The following ATG2B variants were observed in gnomAD, a reference collection of about 807,000 sequenced individuals.
The protein encoded by ATG2B is autophagy-related protein 2 homolog B.
In ATG2B, 121 loss-of-function variants were observed where a neutral mutation model predicts 241.3. That is an observed-to-expected ratio of 0.50 (90% CI 0.43 to 0.58). The LOEUF (loss-of-function observed/expected upper bound fraction) is 0.58. Among genes scored for constraint, ATG2B ranks in the 20% least tolerant of loss-of-function variants. The pLI, the probability that ATG2B is intolerant of heterozygous loss-of-function variation, is 0.00. For missense variants in ATG2B, 2,306 were observed against 2,491.6 expected, an observed-to-expected ratio of 0.93 and a Z score of 1.59; for synonymous variants, 858 against 876.6, an observed-to-expected ratio of 0.98 and a Z score of 0.37.
At position 96,347,160 on chromosome 14, in the gene ATG2B, A is replaced by G. The variant is rs749425763; in HGVS notation, c.325+19T>C. Reference sequence around the variant, plus strand: ...TGAAGAATAAAAACACATAAAACAGAAACATACAACACACCAACCTGGGCG... The same window carrying G: ...TGAAGAATAAAAACACATAAAACAGGAACATACAACACACCAACCTGGGCG... On this transcript the variant is annotated intron_variant, in intron 2 of 41. Coordinates refer to ENST00000359933, the MANE Select transcript of ATG2B (RefSeq NM_018036.7). 2.3e-5 allele frequency: 35 copies of G among 1,536,446 alleles called. No individual in the cohort carries two copies. The highest frequency in any genetic ancestry group is 7.1e-6 in the Non-Finnish European group (8 of 1,127,518).
chr14:96,339,126 A>C (rs1887941264), intron 6 of ATG2B, among the ~76,000 whole-genome samples: 1 of 152,158 alleles, frequency 6.6e-6, no homozygotes, highest in Non-Finnish European at 1.5e-5. Context: ...GTCAAAAAAC[A>C]ATAGATGTTG....
intron 5 of ATG2B, among the ~76,000 whole-genome samples, chr14:96,342,678 C>T (rs1448397683): frequency 6.7e-6 from 1 of 148,520 alleles, no homozygotes; most frequent in Non-Finnish European, 1.5e-5. Context: ...GTCGAGATTG[C>T]GCCACTGCAC....
At chr14:96,287,253 C>CAAA (rs34710412) in intron 41 of ATG2B, among the ~76,000 whole-genome samples, 26,188 of 77,642 alleles carry the variant, frequency 0.34, 5,423 homozygotes, top group Non-Finnish European at 0.4. Context: ...GACTCCGTCT[C>CAAA]AAAAAAAAAA....
Position 96,317,126 on chromosome 14 carries a change from T to C in ATG2B, c.3210+19A>G, listed in dbSNP as rs1248779146. The C allele has an allele frequency of 3.2e-6, 5 of 1,584,932 alleles. No homozygotes were observed. Among genetic ancestry groups the C allele is most frequent in the Non-Finnish European group, 4.3e-6 (5 of 1,164,106 alleles). On this transcript the variant is annotated intron_variant, in intron 20 of 41. Coordinates refer to ENST00000359933, the MANE Select transcript of ATG2B (RefSeq NM_018036.7). ...AGTAAGATACATTTGAAAAAACACTTCGGATTTGTAAACCTCACCTTCACA... is the reference window on the plus strand; with the variant it reads ...AGTAAGATACATTTGAAAAAACACTCCGGATTTGTAAACCTCACCTTCACA...
chr14:96,358,064 G>C (rs1259391503), intron 1 of ATG2B, among the ~76,000 whole-genome samples: 1 of 150,536 alleles, frequency 6.6e-6, no homozygotes, highest in Non-Finnish European at 1.5e-5. Context: ...CCAAGTTTTC[G>C]TCCCAATTTT....
chr14:96,342,094 A>C (rs1888051733), intron 5 of ATG2B, among the ~76,000 whole-genome samples: 1 of 152,208 alleles, frequency 6.6e-6, no homozygotes, highest in African/African-American at 2.4e-5. Flanking sequence ...CTTAATTATA[A>C]AGCTTTTTAA....
At chr14:96,334,532 G>T (rs759363376) in intron 6 of ATG2B, 31 bp from the exon 7 acceptor site, 7 of 1,329,088 alleles carry the variant, frequency 5.3e-6, no homozygotes, top group East Asian at 4.6e-5. Flanking sequence ...TATTCATGAG[G>T]AGTATTCTTT....
chr14:96,313,512 A>G, intron 23 of ATG2B, 77 bp from the exon 24 acceptor site: 1 of 600,944 alleles, frequency 1.7e-6, no homozygotes, highest in Non-Finnish European at 2.8e-6. Context: ...ATACCAATGT[A>G]AACCAGAATA....
intron 1 of ATG2B, 83 bp downstream of exon 1, chr14:96,362,732 G>A: frequency 2.9e-6 from 4 of 1,389,392 alleles, no homozygotes; most frequent in Non-Finnish European, 3.9e-6. Flanking sequence ...GGGACTGACT[G>A]TCACCAATCT....
intron 18 of ATG2B, among the ~76,000 whole-genome samples, chr14:96,319,627 C>T (rs1887408421): frequency 6.6e-6 from 1 of 151,928 alleles, no homozygotes; most frequent in Admixed American, 6.6e-5. Flanking sequence ...TTAAGTAAAA[C>T]TTGAATGGGG....
At position 96,289,719 on chromosome 14, in the gene ATG2B, C is replaced by A. The variant is rs1314770520; in HGVS notation, c.5943G>T (p.Arg1981=). The part of the protein sequence containing the change: ...PKKTKRFPHH[R]LAHQPVDLRE... ...TCAGGTCTACTGGCTGGTGGGCTAACCGGTGATGAGGAAACCTTTTGGTCT... is the reference window on the plus strand; with the variant it reads ...TCAGGTCTACTGGCTGGTGGGCTAAACGGTGATGAGGAAACCTTTTGGTCT... Residue 1981 remains arginine (R), a synonymous_variant, in exon 41 of 42, where the codon CGG becomes CGT. Transcript: ENST00000359933. This position sits in a 1 kb window ranked among gnomAD's most constrained non-coding sequence, Gnocchi z 4.3. 1 of 1,614,202 alleles carries A rather than the reference C, an allele frequency of 6.2e-7. No homozygotes were observed. Among genetic ancestry groups the A allele is most frequent in the African/African-American group, 1.3e-5 (1 of 75,036 alleles).
At chr14:96,337,959 G>T (rs998408661) in intron 6 of ATG2B, among the ~76,000 whole-genome samples, 6 of 152,094 alleles carry the variant, frequency 3.9e-5, no homozygotes, top group Non-Finnish European at 7.4e-5. Flanking sequence ...GCAGTGTTTT[G>T]CAGTTTTCCA....
chr14:96,322,339 G>A (rs778294963), intron 17 of ATG2B, 85 bp from the exon 18 acceptor site: 49 of 1,449,568 alleles, frequency 3.4e-5, no homozygotes, highest in Non-Finnish European at 4.4e-5. Flanking sequence ...CATAGGACTT[G>A]GTATGTGAGA....
rs1051039371 is a variant in ATG2B, at chr14:96,328,678, G to T, written c.1970C>A (p.Pro657His). 3.8e-6 allele frequency: 6 copies of T among 1,599,942 alleles called. No homozygotes were observed. In the African/African-American group the frequency reaches 4.1e-5, roughly 11 times the overall value. The stretch of plus-strand genomic sequence containing the variant: ...TTATAGAAAAAGATCTCTTACCTGG[G>T]GCCCTCTATTCTCAGAATGCTTATA... ...LHYKHSENRG[P>H]QGNQARLSSV... The change falls in exon 13 of 42, where the codon CCC becomes CAC. Residue 657 changes from proline (P) to histidine (H), a missense_variant. Around this residue, in one of 2 missense-constraint regions of ATG2B, gnomAD observed 1,927 missense variants for 2,011.2 expected, o/e 0.96. Coordinates refer to ENST00000359933, the MANE Select transcript of ATG2B (RefSeq NM_018036.7).
At chr14:96,320,038 C>T (rs536877675) in intron 18 of ATG2B, among the ~76,000 whole-genome samples, 2 of 152,236 alleles carry the variant, frequency 1.3e-5, no homozygotes, top group Admixed American at 1.3e-4. Flanking sequence ...TAGAAACTCT[C>T]TTAAGCAATC....
At chr14:96,359,226 G>A (rs1888560080) in intron 1 of ATG2B, among the ~76,000 whole-genome samples, 1 of 152,010 alleles carries the variant, frequency 6.6e-6, no homozygotes, top group South Asian at 2.1e-4. Context: ...ACAAAAAGTA[G>A]CCAGGTGTGG....
Position 96,317,248 on chromosome 14 carries a change from C to T in ATG2B, c.3107G>A (p.Arg1036His), listed in dbSNP as rs201821637. The change falls in exon 20 of 42, where the codon CGC (arginine) becomes CAC (histidine). Residue 1036 changes from arginine to histidine, a missense_variant. By Grantham distance (29) the Arg-to-His change is conservative. Around this residue, in one of 2 missense-constraint regions of ATG2B, gnomAD observed 1,927 missense variants for 2,011.2 expected, o/e 0.96. Transcript: ENST00000359933. The part of the protein sequence containing the change: ...FSTVDPNYRS[R>H]RKKKLDSQNK... ...CTGAGAGTCTAATTTTTTTTTCCTG[C>T]GAGAACGATAGTTGGGATCAACAGT... The T allele has an allele frequency of 4.1e-5, 66 of 1,613,362 alleles. No homozygotes were observed. The East Asian group carries it at 8.9e-4, about 22-fold the overall frequency.
intron 29 of ATG2B, 33 bp downstream of exon 29, chr14:96,309,420 A>G (rs1226151121): frequency 6.3e-7 from 1 of 1,582,532 alleles, no homozygotes; most frequent in Non-Finnish European, 8.6e-7. Context: ...CAACATTAAC[A>G]TCAGTGCTCC....
intron 1 of ATG2B, among the ~76,000 whole-genome samples, chr14:96,347,897 AT>A (rs1888210997): frequency 6.6e-6 from 1 of 152,230 alleles, no homozygotes; most frequent in Non-Finnish European, 1.5e-5. Flanking sequence ...ATTGTAAATT[AT>A]TACACCCACT....
Sources: gnomAD v4.1 joint callset for allele counts (sites outside exome capture counted in the v4.1 genomes callset) on GRCh38, gnomAD v4.1.1 for gene constraint, gnomAD v4.1.1 regional missense constraint, Gnocchi (gnomAD v3.1) non-coding constraint, MANE v1.5 for transcripts, NCBI Gene and HGNC (gene_info 2026-07-23, HGNC 2026-07-21) for gene names.